The following LIMK2 variants were observed in gnomAD, a reference collection of about 807,000 sequenced individuals.
The protein encoded by LIMK2 is LIM domain kinase 2.
Under a neutral mutation model 75.7 loss-of-function variants are expected in LIMK2, and 35 were observed. The observed-to-expected ratio is 0.46, with a 90% CI of 0.35 to 0.61. The LOEUF (loss-of-function observed/expected upper bound fraction) is 0.61. Ranked by LOEUF, LIMK2 falls within the 20% of genes least tolerant of loss-of-function variation. The pLI, the probability that LIMK2 is intolerant of heterozygous loss-of-function variation, is 0.00. For missense variants in LIMK2, 623 were observed against 831.0 expected, an observed-to-expected ratio of 0.75 and a Z score of 3.08; for synonymous variants, 301 against 319.2, an observed-to-expected ratio of 0.94 and a Z score of 0.61.
intron 7 of LIMK2, 57 bp from the exon 8 acceptor site, chr22:31,265,889 T>C: frequency 6.7e-7 from 1 of 1,500,500 alleles, no homozygotes; most frequent in Admixed American, 1.7e-5. Flanking sequence ...CCTCCAGGGT[T>C]TCTTGGCCGG....
intron 1 of LIMK2, among the ~76,000 whole-genome samples, chr22:31,216,857 A>C (rs1601394584): frequency 6.6e-6 from 1 of 152,248 alleles, no homozygotes; most frequent in East Asian, 1.9e-4. Flanking sequence ...ATCTCATTTC[A>C]ATGAGAGGAC....
chr22:31,258,285 T>C lies in LIMK2; in HGVS notation c.117-6T>C, dbSNP rs373374046. The C allele has an allele frequency of 7.5e-6, 12 of 1,598,598 alleles. No homozygotes were observed. Among genetic ancestry groups the C allele is most frequent in the Non-Finnish European group, 1.0e-5 (12 of 1,169,856 alleles). ...GGAGAATTTCAGTTCTTGTCTTGCC[T>C]TTCAGGTGTTCAGAATGCCAGGATT... On this transcript the variant is annotated splice_polypyrimidine_tract_variant and splice_region_variant and intron_variant, in intron 2 of 15. Transcript: ENST00000331728.
At chr22:31,277,413 G>C in intron 15 of LIMK2, 3 of 1,059,294 alleles carry the variant, frequency 2.8e-6, no homozygotes, top group Non-Finnish European at 2.2e-6. Flanking sequence ...CTTTGGTGCA[G>C]CTCAAAAAAA....
intron 2 of LIMK2, among the ~76,000 whole-genome samples, chr22:31,232,473 C>T (rs931243302): frequency 6.6e-6 from 1 of 152,190 alleles, no homozygotes; most frequent in Non-Finnish European, 1.5e-5. Flanking sequence ...TTAGCAGCAG[C>T]ACATGGCAAC....
intron 11 of LIMK2, among the ~76,000 whole-genome samples, chr22:31,268,634 G>A (rs2048921614): frequency 6.6e-6 from 1 of 152,194 alleles, no homozygotes; most frequent in Admixed American, 6.5e-5. Flanking sequence ...TGAAGTGACA[G>A]GAGCAAAGAC....
intron 12 of LIMK2, 166 bp from the exon 13 acceptor site, chr22:31,272,364 C>T (rs1157964620): frequency 2.1e-5 from 11 of 533,504 alleles, no homozygotes; most frequent in Admixed American, 3.8e-5. Flanking sequence ...TGGAAGCCAC[C>T]GTGCCTGGCC....
In LIMK2 at chr22:31,265,191, CAAAAAAAAAA is replaced by C. The variant is rs35356989; in HGVS notation, c.855-739_855-730del. ...CCTGGGCGACAGAGTGAGACTCCATCAAAAAAAAAAAAAAAAAAAAAAAAATTAGCCGGGC... is the reference window on the plus strand; with the variant it reads ...CCTGGGCGACAGAGTGAGACTCCATCAAAAAAAAAAAAAAATTAGCCGGGC... On this transcript the variant is annotated intron_variant, in intron 7 of 15. Transcript: ENST00000331728. Among the ~76,000 whole-genome samples, 108 of 34,502 alleles carry C rather than the reference CAAAAAAAAAA, an allele frequency of 3.1e-3. 4 individuals carry two copies. The South Asian group carries it at 0.13, about 41-fold the overall frequency. The allele number at this position is 34,502 out of a possible 152,430, so 22.6% of individuals were successfully genotyped here.
chr22:31,278,369 G>A lies in LIMK2; in HGVS notation c.1845G>A (p.Leu615=). 1 of 1,613,922 alleles carries A rather than the reference G, an allele frequency of 6.2e-7. No individual in the cohort carries two copies. The highest frequency in any genetic ancestry group is 1.1e-5 in the South Asian group (1 of 91,072). ...ACCTGGGGGAGCTGGGCATCCCGCT[G>A]CCTGCAGAGCTGGAGGAGTTGGACC... ...SLYLGELGIP[L]PAELEELDHT... is the part of the protein sequence containing the mutation. The change falls in exon 16 of 16, where the codon CTG becomes CTA. Residue 615 remains leucine, a synonymous_variant. Transcript: ENST00000331728.
intron 15 of LIMK2, among the ~76,000 whole-genome samples, chr22:31,275,948 G>C (rs561388564): frequency 3.3e-4 from 50 of 152,180 alleles, no homozygotes; most frequent in African/African-American, 1.1e-3. Context: ...TAAAAAACGA[G>C]AATCTGGCTG....
chr22:31,254,782 A>G (rs1261036546), intron 2 of LIMK2, among the ~76,000 whole-genome samples: 3 of 152,180 alleles, frequency 2.0e-5, no homozygotes, highest in Admixed American at 2.0e-4. Flanking sequence ...AACATGGGGA[A>G]ACCCCGTCTC....
intron 1 of LIMK2, among the ~76,000 whole-genome samples, chr22:31,219,496 A>T (rs1306575350): frequency 6.6e-6 from 1 of 152,154 alleles, no homozygotes; most frequent in Non-Finnish European, 1.5e-5. Flanking sequence ...AACACCTAAT[A>T]AGGGTCCTTT....
Position 31,258,283 on chromosome 22 carries a change from C to A in LIMK2, c.117-8C>A. The A allele has an allele frequency of 1.9e-6, 3 of 1,596,286 alleles. No individual in the cohort carries two copies. Among genetic ancestry groups the A allele is most frequent in the Non-Finnish European group, 1.7e-6 (2 of 1,168,646 alleles). On this transcript the variant is annotated splice_polypyrimidine_tract_variant and splice_region_variant and intron_variant, in intron 2 of 15. Coordinates refer to ENST00000331728, the MANE Select transcript of LIMK2 (RefSeq NM_005569.4). ...CAGGAGAATTTCAGTTCTTGTCTTG[C>A]CTTTCAGGTGTTCAGAATGCCAGGA... is the stretch of plus-strand genomic sequence containing the variant.
At chr22:31,256,439 C>CA (rs1275508120) in intron 2 of LIMK2, among the ~76,000 whole-genome samples, 1 of 151,366 alleles carries the variant, frequency 6.6e-6, no homozygotes, top group Non-Finnish European at 1.5e-5. Context: ...CTCCTGGGTT[C>CA]CAGTGATTCT....
chr22:31,276,455 G>GCGGCGGCAGCCC (rs1259688110), intron 15 of LIMK2, among the ~76,000 whole-genome samples: 3 of 149,970 alleles, frequency 2.0e-5, no homozygotes, highest in South Asian at 4.2e-4. Flanking sequence ...AAGCGCTTCG[G>GCGGCGGCAGCCC]CGGCGGCAGC....
intron 2 of LIMK2, among the ~76,000 whole-genome samples, chr22:31,232,176 A>G (rs995418073): frequency 3.3e-5 from 5 of 149,984 alleles, no homozygotes; most frequent in African/African-American, 1.2e-4. Flanking sequence ...TAACTTGTCC[A>G]GGGTCACACA....
At chr22:31,224,872 C>A (rs1415723423) in intron 1 of LIMK2, among the ~76,000 whole-genome samples, 1 of 152,212 alleles carries the variant, frequency 6.6e-6, no homozygotes, top group Non-Finnish European at 1.5e-5. Context: ...AGCCCCTGGA[C>A]CGCCAACTGG....
intron 2 of LIMK2, among the ~76,000 whole-genome samples, chr22:31,231,177 T>TAA (rs2048524917): frequency 6.6e-6 from 1 of 152,158 alleles, no homozygotes; most frequent in African/African-American, 2.4e-5. Flanking sequence ...TCCTCTTATA[T>TAA]AATATGGGGT....
intron 2 of LIMK2, among the ~76,000 whole-genome samples, chr22:31,233,964 A>G (rs989196861): frequency 5.3e-5 from 8 of 151,942 alleles, no homozygotes; most frequent in African/African-American, 1.9e-4. Context: ...GCCACTCTGC[A>G]CCCCCTAATC....
intron 8 of LIMK2, among the ~76,000 whole-genome samples, 170 bp from the exon 9 acceptor site, chr22:31,266,812 CGT>C (rs1569000106): frequency 6.6e-6 from 1 of 152,208 alleles, no homozygotes; most frequent in Non-Finnish European, 1.5e-5. Flanking sequence ...GGTTTGCTTC[CGT>C]GTGAGTCCCA....
Sources: gnomAD v4.1 joint callset for allele counts (sites outside exome capture counted in the v4.1 genomes callset) on GRCh38, gnomAD v4.1.1 for gene constraint, MANE v1.5 for transcripts, NCBI Gene and HGNC (gene_info 2026-07-23, HGNC 2026-07-21) for gene names.